The following UBAP1 variants were observed in gnomAD, a reference collection of about 807,000 sequenced individuals.
The protein encoded by UBAP1 is ubiquitin-associated protein 1.
UBAP1 carries 5 observed loss-of-function variants against 39.0 expected under a neutral mutation model. The observed-to-expected ratio is 0.13, with a 90% confidence interval of 0.07 to 0.27. The LOEUF (loss-of-function observed/expected upper bound fraction) is 0.27. Among genes scored for constraint, UBAP1 ranks in the 10% least tolerant of loss-of-function variants. UBAP1 has a pLI of 1.00. For synonymous variants in UBAP1, 211 were observed against 225.1 expected, an observed-to-expected ratio of 0.94 and a Z score of 0.56; for missense variants, 490 against 608.1, an observed-to-expected ratio of 0.81 and a Z score of 2.04.
intron 1 of UBAP1, among the ~76,000 whole-genome samples, chr9:34,185,318 C>T (rs934953770): frequency 1.3e-5 from 2 of 152,066 alleles, no homozygotes; most frequent in African/African-American, 4.8e-5. Context: ...GAATCCCAGG[C>T]GGGCGGATTG....
At chr9:34,191,295 T>C (rs1369003418) in intron 1 of UBAP1, among the ~76,000 whole-genome samples, 1 of 151,986 alleles carries the variant, frequency 6.6e-6, no homozygotes, top group Admixed American at 6.6e-5. Context: ...AGAGATGGGG[T>C]CTTGCTATGT....
intron 1 of UBAP1, among the ~76,000 whole-genome samples, chr9:34,203,367 C>CT (rs948932294): frequency 4.6e-5 from 7 of 152,108 alleles, no homozygotes; most frequent in Non-Finnish European, 7.4e-5. Context: ...TCTTTTTTCT[C>CT]TTTTCTCTGT....
chr9:34,239,066 A>G (rs1282276129), intron 3 of UBAP1, among the ~76,000 whole-genome samples: 2 of 152,320 alleles, frequency 1.3e-5, no homozygotes, highest in South Asian at 2.1e-4. Context: ...TTTTTTTGAG[A>G]TGGAGTCTTG....
intron 3 of UBAP1, among the ~76,000 whole-genome samples, chr9:34,239,680 A>G (rs1833866915): frequency 6.6e-6 from 1 of 152,152 alleles, no homozygotes; most frequent in Non-Finnish European, 1.5e-5. Flanking sequence ...ATAATCTTGG[A>G]CAGATTTTTT....
chr9:34,246,003 T>C (rs1834158020), intron 4 of UBAP1, among the ~76,000 whole-genome samples: 1 of 152,188 alleles, frequency 6.6e-6, no homozygotes, highest in South Asian at 2.1e-4. Context: ...TTTCTTTATT[T>C]AAAAAGAATA....
chr9:34,215,293 ATATATG>A (rs1563902698), intron 1 of UBAP1, among the ~76,000 whole-genome samples: 2 of 151,834 alleles, frequency 1.3e-5, no homozygotes, highest in Non-Finnish European at 2.9e-5. Context: ...GTGTGTGTAT[ATATATG>A]TATATAAGTA....
intron 1 of UBAP1, among the ~76,000 whole-genome samples, chr9:34,195,620 G>A (rs544112805): frequency 3.3e-5 from 5 of 149,400 alleles, no homozygotes; most frequent in Admixed American, 6.7e-5. Flanking sequence ...TTTCTGAGAC[G>A]GAGTTTCACT....
At chr9:34,223,511 G>A (rs1218383459) in intron 2 of UBAP1, among the ~76,000 whole-genome samples, 1 of 152,068 alleles carries the variant, frequency 6.6e-6, no homozygotes, top group Non-Finnish European at 1.5e-5. Flanking sequence ...CTGGAGTGCA[G>A]TAGCACGATC....
At position 34,238,065 on chromosome 9, in the gene UBAP1, CTA is replaced by C. The variant is rs577278214; in HGVS notation, c.160-3118_160-3117del. ...GGCAACCAGTATCTACTTTCTGTCT[CTA>C]TGGGTTTGCCTATTCTGGCCATTTC... On this transcript the variant is annotated intron_variant, in intron 3 of 6. Coordinates refer to ENST00000297661, the MANE Select transcript of UBAP1 (RefSeq NM_016525.5). 8.3e-4 allele frequency among the ~76,000 whole-genome samples: 126 copies of C among 152,306 alleles called. 2 individuals are homozygous for C. Among genetic ancestry groups the C allele is most frequent in the Middle Eastern group, 3.4e-3 (1 of 294 alleles).
At chr9:34,219,245 C>G (rs1832524094) in intron 1 of UBAP1, among the ~76,000 whole-genome samples, 1 of 152,020 alleles carries the variant, frequency 6.6e-6, no homozygotes, top group African/African-American at 2.4e-5. Context: ...TGCAACACCA[C>G]ACCGGCAAAT....
At chr9:34,203,431 A>G (rs1417648469) in intron 1 of UBAP1, among the ~76,000 whole-genome samples, 1 of 152,240 alleles carries the variant, frequency 6.6e-6, no homozygotes, top group African/African-American at 2.4e-5. Context: ...GGAATTCAGC[A>G]ACATTCATTC....
chr9:34,209,586 G>A (rs1262846723), intron 1 of UBAP1, among the ~76,000 whole-genome samples: 4 of 152,100 alleles, frequency 2.6e-5, no homozygotes, highest in African/African-American at 4.8e-5. Context: ...CACCTGTTAC[G>A]TACTCCATGA....
At chr9:34,193,018 A>C (rs1346498301) in intron 1 of UBAP1, among the ~76,000 whole-genome samples, 1 of 152,108 alleles carries the variant, frequency 6.6e-6, no homozygotes, top group Non-Finnish European at 1.5e-5. Flanking sequence ...AATACTGTGT[A>C]AGGGAGGGCC....
chr9:34,182,774 G>C (rs970839754), intron 1 of UBAP1, among the ~76,000 whole-genome samples: 1 of 148,646 alleles, frequency 6.7e-6, no homozygotes, highest in Non-Finnish European at 1.5e-5. Flanking sequence ...ACAGTGGCTC[G>C]ATCTCTGCTC....
chr9:34,217,992 T>G (rs1832431965), intron 1 of UBAP1, among the ~76,000 whole-genome samples: 1 of 150,860 alleles, frequency 6.6e-6, no homozygotes, highest in Admixed American at 6.6e-5. Flanking sequence ...GTAGCTCGCG[T>G]CTGTGATCCC....
At chr9:34,213,539 C>A (rs1832132227) in intron 1 of UBAP1, among the ~76,000 whole-genome samples, 1 of 151,898 alleles carries the variant, frequency 6.6e-6, no homozygotes, top group Non-Finnish European at 1.5e-5. Context: ...ACCCAACCAT[C>A]TATGACACAC....
At chr9:34,247,412 T>C (rs747810805) in intron 4 of UBAP1, among the ~76,000 whole-genome samples, 9 of 152,268 alleles carry the variant, frequency 5.9e-5, no homozygotes, top group Non-Finnish European at 1.2e-4. Context: ...TTAATAAATA[T>C]ATCTTTTTTT....
At chr9:34,249,225 C>G (rs1401042626) in intron 4 of UBAP1, among the ~76,000 whole-genome samples, 1 of 152,156 alleles carries the variant, frequency 6.6e-6, no homozygotes, top group African/African-American at 2.4e-5. Flanking sequence ...ACCCTCAAAA[C>G]CCTGGGTTCC....
At chr9:34,202,085 G>A (rs965112646) in intron 1 of UBAP1, among the ~76,000 whole-genome samples, 4 of 152,124 alleles carry the variant, frequency 2.6e-5, no homozygotes, top group Non-Finnish European at 4.4e-5. Context: ...CTAGCCAGAA[G>A]CTCTCCAAAT....
Sources: gnomAD v4.1 joint callset for allele counts (sites outside exome capture counted in the v4.1 genomes callset) on GRCh38, gnomAD v4.1.1 for gene constraint, MANE v1.5 for transcripts, NCBI Gene and HGNC (gene_info 2026-07-23, HGNC 2026-07-21) for gene names.